Variants in SNCAIP observed in about 807,000 individuals in gnomAD.
SNCAIP encodes the protein synuclein alpha interacting protein, also known as synphilin-1.
A neutral mutation model predicts 86.7 loss-of-function variants in SNCAIP; 43 were observed. The ratio of observed to expected loss-of-function variants is 0.50; its 90% CI spans 0.39 to 0.64. SNCAIP has a LOEUF of 0.64. Among genes scored for constraint, SNCAIP ranks in the 30% least tolerant of loss-of-function variants. The pLI is 0.00. For missense variants in SNCAIP, 981 were observed against 1,103.1 expected (o/e 0.89, Z 1.57); for synonymous variants, 417 against 427.2 (o/e 0.98, Z 0.29).
intron 1 of SNCAIP, among the ~76,000 whole-genome samples, chr5:122,381,023 T>A (rs952772598): frequency 6.7e-6 from 1 of 149,306 alleles, no homozygotes; most frequent in Admixed American, 6.6e-5. Flanking sequence ...TTCTGTTGAT[T>A]TGGGGTGGAG....
chr5:122,448,241 A>T lies in SNCAIP; in HGVS notation c.1593-1604A>T, dbSNP rs575637639. Among the ~76,000 whole-genome samples, 7 of 152,118 alleles carry T rather than the reference A, an allele frequency of 4.6e-5. No homozygotes were observed. The South Asian group carries it at 8.3e-4, about 18-fold the overall frequency. ...GTCCTGGCTCGTGAGAGCTGCTGTC[A>T]TTTTTTTCTGCTAATTGTATTATTA... On this transcript the variant is annotated intron_variant, in intron 8 of 10. Transcript: ENST00000261368.
chr5:122,447,334 C>T (rs1388892127), intron 8 of SNCAIP, among the ~76,000 whole-genome samples: 1 of 152,204 alleles, frequency 6.6e-6, no homozygotes, highest in Admixed American at 6.5e-5. Flanking sequence ...TTCCTTACAG[C>T]AGCCCTGTCA....
At chr5:122,346,411 T>G (rs1388651725) in intron 1 of SNCAIP, among the ~76,000 whole-genome samples, 1 of 152,172 alleles carries the variant, frequency 6.6e-6, no homozygotes, top group Admixed American at 6.5e-5. Context: ...TGTGATTTGC[T>G]CTGTGTGGCT....
intron 1 of SNCAIP, among the ~76,000 whole-genome samples, chr5:122,350,518 GT>G (rs34718418): frequency 0.011 from 1,555 of 136,166 alleles, 26 homozygotes; most frequent in African/African-American, 0.037. Flanking sequence ...TTTTTTGTTT[GT>G]TTTTTTTTTT....
At chr5:122,409,978 A>G (rs143487674) in intron 3 of SNCAIP, among the ~76,000 whole-genome samples, 1 of 152,326 alleles carries the variant, frequency 6.6e-6, no homozygotes, top group African/African-American at 2.4e-5. Flanking sequence ...AGGGAAACAC[A>G]TTTTCTAAGA....
chr5:122,425,651 A>G lies in SNCAIP; in HGVS notation c.1182+120A>G, dbSNP rs1365522409. The G allele has an allele frequency of 1.2e-6, 1 of 803,808 alleles. No homozygotes were observed. Among genetic ancestry groups the G allele is most frequent in the Non-Finnish European group, 2.1e-6 (1 of 474,582 alleles). The allele number at this position is 803,808 out of a possible 1,614,324, so 49.8% of individuals were successfully genotyped here. A position where few individuals can be genotyped will look rare whatever the true frequency, so the allele number is the denominator to read the frequency against. On this transcript the variant is annotated intron_variant, in intron 5 of 10. Coordinates refer to ENST00000261368, the MANE Select transcript of SNCAIP (RefSeq NM_005460.4). ...GAGTGATTTGTCAAGCAAAGAGCAA[A>G]TGAACATATTGCATTTAAGAGAGTA... is the stretch of plus-strand genomic sequence containing the variant.
At chr5:122,393,590 A>G (rs1019498518) in intron 2 of SNCAIP, among the ~76,000 whole-genome samples, 1 of 152,278 alleles carries the variant, frequency 6.6e-6, no homozygotes, top group Admixed American at 6.5e-5. Flanking sequence ...ACCAGGAGAC[A>G]TATTTTGTTG....
At chr5:122,402,426 G>A (rs1772022146) in intron 2 of SNCAIP, among the ~76,000 whole-genome samples, 1 of 152,178 alleles carries the variant, frequency 6.6e-6, no homozygotes, top group African/African-American at 2.4e-5. Flanking sequence ...TAAAGCACCT[G>A]TAGTCTCAGA....
intron 8 of SNCAIP, among the ~76,000 whole-genome samples, chr5:122,445,909 G>A (rs1038551584): frequency 6.6e-6 from 1 of 151,572 alleles, no homozygotes; most frequent in African/African-American, 2.4e-5. Context: ...ACAAGTCTCT[G>A]TGCCCCTCTA....
At chr5:122,439,833 C>T (rs1380168448) in intron 6 of SNCAIP, among the ~76,000 whole-genome samples, 2 of 152,042 alleles carry the variant, frequency 1.3e-5, no homozygotes, top group Non-Finnish European at 2.9e-5. Context: ...AATCCCATCC[C>T]CCTGCTTTCT....
chr5:122,341,111 T>C (rs1757485905), intron 1 of SNCAIP, among the ~76,000 whole-genome samples: 1 of 152,188 alleles, frequency 6.6e-6, no homozygotes, highest in South Asian at 2.1e-4. Flanking sequence ...AGTTAGAATC[T>C]CTAGTGCCAG....
intron 1 of SNCAIP, among the ~76,000 whole-genome samples, chr5:122,350,650 C>G (rs1759583460): frequency 6.6e-6 from 1 of 152,016 alleles, no homozygotes. Context: ...CAACAATCAT[C>G]TTATTTTTCT....
At chr5:122,354,599 C>T (rs930971369) in intron 1 of SNCAIP, among the ~76,000 whole-genome samples, 9 of 152,122 alleles carry the variant, frequency 5.9e-5, no homozygotes, top group Non-Finnish European at 1.0e-4. Flanking sequence ...GTTGCCCTGA[C>T]TGAAATGATT....
intron 1 of SNCAIP, among the ~76,000 whole-genome samples, chr5:122,373,843 C>T (rs967227406): frequency 6.6e-5 from 10 of 152,182 alleles, no homozygotes; most frequent in Admixed American, 1.3e-4. Context: ...CCAAATTGCC[C>T]ACCCCTTGGG....
chr5:122,450,016 T>G, intron 9 of SNCAIP, 79 bp downstream of exon 9: 1 of 986,096 alleles, frequency 1.0e-6, no homozygotes, highest in South Asian at 1.3e-5. Flanking sequence ...CTTTGATATA[T>G]TTTAAGAGGA....
intron 3 of SNCAIP, among the ~76,000 whole-genome samples, chr5:122,410,803 AC>A (rs1773960878): frequency 6.6e-6 from 1 of 152,262 alleles, no homozygotes; most frequent in African/African-American, 2.4e-5. Context: ...AGCCTGGGTG[AC>A]AGCGAGATTC....
chr5:122,423,079 C>T lies in SNCAIP; in HGVS notation c.342C>T (p.Gly114=), dbSNP rs976711390. 1 of 1,613,966 alleles carries T rather than the reference C, an allele frequency of 6.2e-7. No individual in the cohort carries two copies. Among genetic ancestry groups the T allele is most frequent in the Non-Finnish European group, 8.5e-7 (1 of 1,179,916 alleles). ...EYQKGGESDL[G]PQPQELGPGD... ...AGAAAGGGGGTGAGTCTGACCTGGGCCCCCAGCCTCAGGAGCTTGGCCCTG... is the reference window on the plus strand; with the variant it reads ...AGAAAGGGGGTGAGTCTGACCTGGGTCCCCAGCCTCAGGAGCTTGGCCCTG... The change falls in exon 4 of 11, where the codon GGC becomes GGT. Residue 114 remains glycine (G), a synonymous_variant. Coordinates refer to ENST00000261368, the MANE Select transcript of SNCAIP (RefSeq NM_005460.4).
chr5:122,415,039 T>C (rs1775007170), intron 3 of SNCAIP, among the ~76,000 whole-genome samples: 1 of 152,260 alleles, frequency 6.6e-6, no homozygotes, highest in Non-Finnish European at 1.5e-5. Context: ...TATTGCTTTG[T>C]GGAATTCTTA....
At chr5:122,396,065 C>A (rs1770561466) in intron 2 of SNCAIP, among the ~76,000 whole-genome samples, 1 of 152,052 alleles carries the variant, frequency 6.6e-6, no homozygotes, top group South Asian at 2.1e-4. Flanking sequence ...TGATCTAGTT[C>A]CAGCAACTGT....
Sources: gnomAD v4.1 joint callset for allele counts (sites outside exome capture counted in the v4.1 genomes callset) on GRCh38, gnomAD v4.1.1 for gene constraint, MANE v1.5 for transcripts, NCBI Gene and HGNC (gene_info 2026-07-23, HGNC 2026-07-21) for gene names.